The following FLVCR2 variants were observed in gnomAD, a reference collection of about 807,000 sequenced individuals.
The protein encoded by FLVCR2 is FLVCR choline and putative heme transporter 2, also known as choline/ethanolamine transporter FLVCR2.
FLVCR2 carries 38 observed loss-of-function variants against 48.9 expected under a neutral mutation model. That is an observed-to-expected ratio of 0.78 (90% CI 0.60 to 1.02). The LOEUF (loss-of-function observed/expected upper bound fraction) is 1.02, where lower values mean the gene tolerates loss of function less well. Ranked by LOEUF, FLVCR2 falls within the 50% of genes least tolerant of loss-of-function variation. The pLI, the probability that FLVCR2 is intolerant of heterozygous loss-of-function variation, is 0.00. For missense variants in FLVCR2, 664 were observed against 663.3 expected, an observed-to-expected ratio of 1.00 and a Z score of -0.01; for synonymous variants, 255 against 257.0, an observed-to-expected ratio of 0.99 and a Z score of 0.07.
intron 1 of FLVCR2, among the ~76,000 whole-genome samples, chr14:75,599,016 G>A (rs908278182): frequency 6.6e-5 from 10 of 152,170 alleles, no homozygotes; most frequent in African/African-American, 2.2e-4. Flanking sequence ...CAGCAAGATG[G>A]TGGACTAGAA....
At chr14:75,600,263 T>G (rs117886884) in intron 1 of FLVCR2, among the ~76,000 whole-genome samples, 2,210 of 152,272 alleles carry the variant, frequency 0.015, 26 homozygotes, top group Non-Finnish European at 0.021. Context: ...GAAGTTACCC[T>G]ATGTGGCCTA....
chr14:75,581,978 G>T (rs543496022), intron 1 of FLVCR2, among the ~76,000 whole-genome samples: 16 of 152,292 alleles, frequency 1.1e-4, no homozygotes, highest in African/African-American at 2.2e-4. Flanking sequence ...TCCAAGAACC[G>T]TTTGCCTTGT....
intron 1 of FLVCR2, among the ~76,000 whole-genome samples, chr14:75,614,461 A>G (rs1889556505): frequency 6.6e-6 from 1 of 152,230 alleles, no homozygotes; most frequent in Admixed American, 6.5e-5. Context: ...ACGCCTAGTG[A>G]GGATCGTCAA....
chr14:75,587,754 A>ACAAGTACT (rs1431943227), intron 1 of FLVCR2, among the ~76,000 whole-genome samples: 2 of 152,222 alleles, frequency 1.3e-5, no homozygotes, highest in Admixed American at 1.3e-4. Context: ...GTCAAAAGAA[A>ACAAGTACT]ACCTTGTTTC....
intron 1 of FLVCR2, chr14:75,604,350 T>C (rs1259605099): frequency 6.6e-6 from 1 of 152,224 alleles, no homozygotes; most frequent in East Asian, 1.9e-4. Flanking sequence ...GCATTCATAC[T>C]GGCAACTGCA....
Position 75,647,690 on chromosome 14 carries a change from G to A in FLVCR2, c.*1218G>A, listed in dbSNP as rs1890450873. 1.3e-5 allele frequency: 2 copies of A among 152,670 alleles called. No individual in the cohort carries two copies. Among genetic ancestry groups the A allele is most frequent in the African/African-American group, 4.8e-5 (2 of 41,452 alleles). The allele number at this position is 152,670 out of a possible 1,614,324, so 9.5% of individuals were successfully genotyped here. On this transcript the variant is annotated 3_prime_UTR_variant, in exon 10 of 10. Transcript: ENST00000238667. ...AGCCTGCTGTTTGGCTGTACTCATG[G>A]GCTTTGGTAATATCTCCTAAAAATG...
chr14:75,624,805 A>G (rs1889858066), intron 3 of FLVCR2, 53 bp downstream of exon 3: 1 of 1,591,240 alleles, frequency 6.3e-7, no homozygotes, highest in Non-Finnish European at 8.6e-7. Context: ...GTTAGATGAG[A>G]GGCCTGATGT....
chr14:75,583,930 C>T (rs1006703918), intron 1 of FLVCR2, among the ~76,000 whole-genome samples: 5 of 152,204 alleles, frequency 3.3e-5, no homozygotes, highest in Non-Finnish European at 5.9e-5. Flanking sequence ...GGCGATTGGG[C>T]AGCGTCAGTC....
intron 9 of FLVCR2, 80 bp downstream of exon 9, chr14:75,641,978 G>A (rs1270824677): frequency 7.1e-6 from 9 of 1,274,058 alleles, no homozygotes; most frequent in Non-Finnish European, 1.0e-5. Context: ...GATGGGGCAG[G>A]GAGAACTCCC....
intron 1 of FLVCR2, among the ~76,000 whole-genome samples, chr14:75,613,637 G>A (rs1409678452): frequency 1.3e-5 from 2 of 152,060 alleles, no homozygotes; most frequent in Non-Finnish European, 2.9e-5. Context: ...TGCAACCTCT[G>A]CCTCCCGGGT....
rs1594805330 is a variant in FLVCR2 at position 75,618,334 on chromosome 14, C to T, written c.670-3745C>T. Among the ~76,000 whole-genome samples, 3 of 152,202 alleles carry T rather than the reference C, an allele frequency of 2.0e-5. 1 individual carries two copies. In the Middle Eastern group the frequency reaches 0.01, roughly 518 times the overall value. On this transcript the variant is annotated intron_variant, in intron 1 of 9. Coordinates refer to ENST00000238667, the MANE Select transcript of FLVCR2 (RefSeq NM_017791.3). ...CCACCTCAGACCTGAGGGATAAAAA[C>T]GGGGTTGGTACTGGTGACGTTTGTT... is the stretch of plus-strand genomic sequence containing the variant.
chr14:75,584,024 C>T (rs1225456336), intron 1 of FLVCR2, among the ~76,000 whole-genome samples: 47 of 152,114 alleles, frequency 3.1e-4, no homozygotes, highest in Admixed American at 2.9e-3. Context: ...GGAGTGGCCG[C>T]GATGTGAGTC....
chr14:75,613,484 A>C (rs1594802871), intron 1 of FLVCR2, among the ~76,000 whole-genome samples: 1 of 152,086 alleles, frequency 6.6e-6, no homozygotes, highest in Non-Finnish European at 1.5e-5. Context: ...CCCCTGACCC[A>C]ATCACCTCCC....
rs1002975275 is a variant in FLVCR2, at chr14:75,584,430, G to A, written c.669+4789G>A. On this transcript the variant is annotated intron_variant, in intron 1 of 9. Coordinates refer to ENST00000238667, the MANE Select transcript of FLVCR2 (RefSeq NM_017791.3). ...GCATATTGAGAATAAGGCGCCTTCCGGCCCCTCTGGGTCTAGGGCGGTAAA... is the reference window on the plus strand; with the variant it reads ...GCATATTGAGAATAAGGCGCCTTCCAGCCCCTCTGGGTCTAGGGCGGTAAA... Among the ~76,000 whole-genome samples, 6 of 152,198 alleles carry A rather than the reference G, an allele frequency of 3.9e-5. No individual in the cohort carries two copies. The East Asian group carries it at 5.8e-4, about 15-fold the overall frequency.
intron 1 of FLVCR2, among the ~76,000 whole-genome samples, chr14:75,618,751 G>T (rs1368414000): frequency 1.3e-5 from 2 of 152,174 alleles, no homozygotes; most frequent in African/African-American, 4.8e-5. Flanking sequence ...CTTCCGTGTT[G>T]ACTAGTATCA....
In FLVCR2 at chr14:75,624,657, T is replaced by A; in HGVS notation, c.857T>A (p.Leu286Gln). The A allele has an allele frequency of 1.2e-6, 2 of 1,613,734 alleles. No individual in the cohort carries two copies. Among genetic ancestry groups the A allele is most frequent in the South Asian group, 2.2e-5 (2 of 91,074 alleles). The change falls in exon 3 of 10, where the codon CTG becomes CAG. Residue 286 changes from leucine to glutamine, a missense_variant. By Grantham distance (113) the Leu-to-Gln change is moderately radical. Coordinates refer to ENST00000238667, the MANE Select transcript of FLVCR2 (RefSeq NM_017791.3). Reference protein sequence around the residue: ...PKYPPSRAQSLSYALTSPDAS... With the variant: ...PKYPPSRAQSQSYALTSPDAS... ...TATCCCCCCAGCAGGGCCCAATCCC[T>A]GAGCTATGCCTTGACCTCTCCTGAT...
At chr14:75,592,521 C>T (rs761750674) in intron 1 of FLVCR2, among the ~76,000 whole-genome samples, 22 of 152,300 alleles carry the variant, frequency 1.4e-4, no homozygotes, top group Non-Finnish European at 2.8e-4. Context: ...TTGGCTGCAC[C>T]CTTAGATTCC....
intron 5 of FLVCR2, among the ~76,000 whole-genome samples, chr14:75,635,889 TA>T (rs952693433): frequency 6.7e-4 from 101 of 151,496 alleles, no homozygotes; most frequent in Middle Eastern, 3.4e-3. Context: ...GCACATGGGT[TA>T]AAAAAAAATT....
At chr14:75,617,726 A>G (rs1889652586) in intron 1 of FLVCR2, among the ~76,000 whole-genome samples, 1 of 152,236 alleles carries the variant, frequency 6.6e-6, no homozygotes. Context: ...ATCATGTGCC[A>G]GCCTGCAGAG....
Sources: gnomAD v4.1 joint callset for allele counts (sites outside exome capture counted in the v4.1 genomes callset) on GRCh38, gnomAD v4.1.1 for gene constraint, MANE v1.5 for transcripts, NCBI Gene and HGNC (gene_info 2026-07-23, HGNC 2026-07-21) for gene names.